SATL1: variants seen among roughly 807,000 people sequenced by gnomAD.
SATL1 encodes the protein spermidine/spermine N1-acetyl transferase like 1, also known as spermidine/spermine N(1)-acetyltransferase-like protein 1.
SATL1 carries 47 observed loss-of-function variants against 51.8 expected under a neutral mutation model. That is an observed-to-expected ratio of 0.91 (90% confidence interval 0.72 to 1.16). SATL1 has a LOEUF of 1.16. Ranked by LOEUF, SATL1 falls within the 50% of genes most tolerant of loss-of-function variation. The pLI is 0.00. For synonymous variants in SATL1, 176 were observed against 182.4 expected, an observed-to-expected ratio of 0.97 and a Z score of 0.28; for missense variants, 520 against 526.4, an observed-to-expected ratio of 0.99 and a Z score of 0.12.
At chrX:85,213,060 G>A (rs1345768637) in intron 2 of SATL1, among the ~76,000 whole-genome samples, 1 of 111,158 alleles carries the variant, frequency 9.0e-6, no homozygotes, top group Non-Finnish European at 1.9e-5. Flanking sequence ...CAAATGTATA[G>A]TATATATAAT....
chrX:85,148,203 C>A (rs1199946769), intron 2 of SATL1, among the ~76,000 whole-genome samples: 1 of 111,527 alleles, frequency 9.0e-6, no homozygotes, highest in Admixed American at 9.5e-5. Flanking sequence ...CCAATGCAAT[C>A]AACTGGAAGA....
At chrX:85,178,105 C>T (rs895319668) in intron 2 of SATL1, among the ~76,000 whole-genome samples, 1 of 111,314 alleles carries the variant, frequency 9.0e-6, no homozygotes, top group Non-Finnish European at 1.9e-5. Context: ...GGTTTTTTGG[C>T]CATCCTTTAA....
intron 2 of SATL1, among the ~76,000 whole-genome samples, chrX:85,134,870 T>A (rs920530488): frequency 2.7e-5 from 3 of 111,647 alleles, no homozygotes; most frequent in East Asian, 5.7e-4. Flanking sequence ...GGACTTGGTA[T>A]GCCATGCTAA....
chrX:85,133,782 G>A (rs1305234781), intron 2 of SATL1, among the ~76,000 whole-genome samples: 1 of 111,497 alleles, frequency 9.0e-6, no homozygotes, highest in South Asian at 3.8e-4. Context: ...TGGCCATCTT[G>A]GACCAATCCT....
intron 2 of SATL1, among the ~76,000 whole-genome samples, chrX:85,149,294 G>A (rs1400950512): frequency 9.0e-6 from 1 of 111,218 alleles, no homozygotes; most frequent in Non-Finnish European, 1.9e-5. Context: ...ACCCAATACA[G>A]GAGCACCCAG....
At chrX:85,110,484 A>G (rs1257990744) in intron 2 of SATL1, among the ~76,000 whole-genome samples, 1 of 112,153 alleles carries the variant, frequency 8.9e-6, no homozygotes, top group Non-Finnish European at 1.9e-5. Context: ...TCACGCTGTG[A>G]TAAGGGCTTT....
chrX:85,094,464 C>A (rs1924632732), intron 5 of SATL1, among the ~76,000 whole-genome samples: 1 of 111,916 alleles, frequency 8.9e-6, no homozygotes, highest in South Asian at 3.8e-4. Flanking sequence ...AAAATTTTAG[C>A]TGGGCGCAGT....
At chrX:85,121,515 A>T in intron 2 of SATL1, among the ~76,000 whole-genome samples, 1 of 104,815 alleles carries the variant, frequency 9.5e-6, no homozygotes, top group African/African-American at 3.4e-5. Context: ...ATATACTAAC[A>T]AGAAATAGCT....
At chrX:85,228,413 TA>T (rs956920301) in intron 1 of SATL1, among the ~76,000 whole-genome samples, 3 of 111,261 alleles carry the variant, frequency 2.7e-5, no homozygotes, top group Non-Finnish European at 3.8e-5. Flanking sequence ...TTCTCACATT[TA>T]AAAAAAATGT....
intron 2 of SATL1, among the ~76,000 whole-genome samples, chrX:85,159,295 G>A (rs973874838): frequency 1.8e-5 from 2 of 111,511 alleles, no homozygotes; most frequent in South Asian, 7.5e-4. Flanking sequence ...TATACAACAG[G>A]GGTCCCCACC....
Position 85,107,728 on chromosome X carries a change from G to C in SATL1, c.1241C>G (p.Pro414Arg), listed in dbSNP as rs2147691135. 1 of 1,212,177 alleles carries C rather than the reference G, an allele frequency of 8.2e-7. No individual in the cohort carries two copies. Among genetic ancestry groups the C allele is most frequent in the Non-Finnish European group, 1.1e-6 (1 of 895,510 alleles). Residue 414 changes from proline (P) to arginine (R), a missense_variant, in exon 3 of 8, where the codon CCA (proline) becomes CGA (arginine). Physicochemically the swap from Pro to Arg is moderately radical, Grantham distance 103 (BLOSUM62 -2). Coordinates refer to ENST00000644105, the MANE Select transcript of SATL1 (RefSeq NM_001367857.2). ...GCTCAGGCCTGTTTGCCATGTGCCT[G>C]GTTGGCTCATGCCTATTTGGCTTGT... ...SGTSQIGMSQ[P>R]GTWQTGLSQP... is the part of the protein sequence containing the mutation.
chrX:85,199,661 A>C (rs751916150), intron 2 of SATL1, among the ~76,000 whole-genome samples: 5 of 112,083 alleles, frequency 4.5e-5, no homozygotes, highest in African/African-American at 1.6e-4. Context: ...TGTTAAGTGA[A>C]ATAAACCAGG....
At chrX:85,231,989 A>G (rs1928389864) in intron 1 of SATL1, among the ~76,000 whole-genome samples, 1 of 106,882 alleles carries the variant, frequency 9.4e-6, no homozygotes, top group African/African-American at 3.4e-5. Flanking sequence ...CACTCCCTCA[A>G]CTCCAGGCAC....
chrX:85,135,845 GC>G (rs1180014329), intron 2 of SATL1, among the ~76,000 whole-genome samples: 2 of 110,204 alleles, frequency 1.8e-5, no homozygotes, highest in Non-Finnish European at 3.8e-5. Flanking sequence ...CTAGCAAAAT[GC>G]TAGGATTATA....
At chrX:85,181,800 G>A (rs1048860616) in intron 2 of SATL1, among the ~76,000 whole-genome samples, 4 of 111,499 alleles carry the variant, frequency 3.6e-5, no homozygotes, top group African/African-American at 1.3e-4. Context: ...AAGGTAAAGT[G>A]CTTCAAATAT....
At chrX:85,106,140 C>CA (rs1258060613) in intron 3 of SATL1, among the ~76,000 whole-genome samples, 1 of 111,778 alleles carries the variant, frequency 8.9e-6, no homozygotes, top group Non-Finnish European at 1.9e-5. Context: ...GCTAGAACTA[C>CA]AAAAAACTCT....
intron 2 of SATL1, among the ~76,000 whole-genome samples, chrX:85,175,801 C>A (rs1379371708): frequency 9.0e-6 from 1 of 110,938 alleles, no homozygotes; most frequent in East Asian, 2.9e-4. Context: ...GCAGTCATTG[C>A]AAGGCAACCT....
At chrX:85,167,157 C>T (rs192858571) in intron 2 of SATL1, among the ~76,000 whole-genome samples, 192 of 107,455 alleles carry the variant, frequency 1.8e-3, no homozygotes, top group Non-Finnish European at 3.3e-3. Context: ...GAAAACCAAA[C>T]ATCATATGTT....
intron 1 of SATL1, among the ~76,000 whole-genome samples, chrX:85,229,415 A>G (rs892624878): frequency 4.5e-5 from 5 of 111,834 alleles, no homozygotes; most frequent in Admixed American, 9.5e-5. Flanking sequence ...AAAAATTCTC[A>G]ACAAAATACT....
Sources: allele counts gnomAD v4.1 joint callset (sites outside exome capture counted in the v4.1 genomes callset), GRCh38; gene constraint gnomAD v4.1.1; transcripts MANE v1.5; gene names NCBI Gene and HGNC (gene_info 2026-07-23, HGNC 2026-07-21).